Variants in CCDC192 observed in about 807,000 individuals in gnomAD.
The protein encoded by CCDC192 is coiled-coil domain-containing protein 192.
intron 5 of CCDC192, among the ~76,000 whole-genome samples, chr5:127,821,496 C>T (rs555477986): frequency 6.6e-6 from 1 of 152,288 alleles, no homozygotes; most frequent in African/African-American, 2.4e-5. Flanking sequence ...TCCCATGAGT[C>T]CCTTTTAAAT....
chr5:127,719,831 G>GGT (rs1554068201), intron 2 of CCDC192, among the ~76,000 whole-genome samples: 6 of 66,814 alleles, frequency 9.0e-5, no homozygotes, highest in East Asian at 1.5e-3. Flanking sequence ...TCAGAGGAAG[G>GGT]GGCGGGGGAG....
chr5:127,774,451 A>G (rs138614016), intron 3 of CCDC192, among the ~76,000 whole-genome samples: 45 of 152,298 alleles, frequency 3.0e-4, no homozygotes, highest in African/African-American at 1.1e-3. Flanking sequence ...TAGGGGTCCA[A>G]CTTCAAGTTC....
intron 5 of CCDC192, among the ~76,000 whole-genome samples, chr5:127,815,302 A>G (rs941650265): frequency 3.3e-5 from 5 of 152,208 alleles, no homozygotes; most frequent in African/African-American, 1.2e-4. Flanking sequence ...TCTGAGGAAG[A>G]TGGTGAAACG....
intron 2 of CCDC192, among the ~76,000 whole-genome samples, chr5:127,736,969 T>C (rs916016932): frequency 2.2e-4 from 34 of 151,424 alleles, no homozygotes; most frequent in Non-Finnish European, 4.1e-4. Flanking sequence ...TGCCTTCTGC[T>C]AGCTTTTGAA....
intron 5 of CCDC192, among the ~76,000 whole-genome samples, chr5:127,855,400 A>G (rs1355439773): frequency 2.0e-5 from 3 of 152,174 alleles, no homozygotes; most frequent in Non-Finnish European, 4.4e-5. Flanking sequence ...TCCATTTCTA[A>G]TTCTACTTAT....
At chr5:127,716,859 C>T (rs182667147) in intron 2 of CCDC192, among the ~76,000 whole-genome samples, 2 of 152,314 alleles carry the variant, frequency 1.3e-5, no homozygotes, top group East Asian at 3.9e-4. Context: ...TGGCTGAAGC[C>T]TCTGTTGTAT....
At chr5:127,902,325 C>A (rs1580810894) in intron 6 of CCDC192, among the ~76,000 whole-genome samples, 1 of 150,788 alleles carries the variant, frequency 6.6e-6, no homozygotes, top group South Asian at 2.1e-4. Flanking sequence ...ATAATCTAGG[C>A]AGAACATAAC....
intron 3 of CCDC192, among the ~76,000 whole-genome samples, chr5:127,795,144 G>T (rs984204081): frequency 6.6e-6 from 1 of 152,036 alleles, no homozygotes; most frequent in Non-Finnish European, 1.5e-5. Flanking sequence ...CAAAGAATTA[G>T]CCAGGCGTGG....
At chr5:127,787,719 G>A (rs1756629197) in intron 3 of CCDC192, among the ~76,000 whole-genome samples, 2 of 152,084 alleles carry the variant, frequency 1.3e-5, no homozygotes, top group Non-Finnish European at 2.9e-5. Flanking sequence ...TTTGTGGATT[G>A]TTCTATCTGT....
chr5:127,808,654 T>G (rs970485439), intron 5 of CCDC192, among the ~76,000 whole-genome samples: 3 of 152,164 alleles, frequency 2.0e-5, no homozygotes, highest in African/African-American at 7.2e-5. Flanking sequence ...CTCCATCCAC[T>G]ACTTACTTTC....
intron 3 of CCDC192, among the ~76,000 whole-genome samples, chr5:127,759,952 A>G (rs761207139): frequency 1.3e-5 from 2 of 152,018 alleles, no homozygotes; most frequent in Non-Finnish European, 2.9e-5. Flanking sequence ...CTGATTTTGT[A>G]CAGACTGGGA....
At chr5:127,746,300 G>A (rs370319622) in intron 2 of CCDC192, among the ~76,000 whole-genome samples, 13 of 152,116 alleles carry the variant, frequency 8.5e-5, no homozygotes, top group African/African-American at 2.9e-4. Context: ...GTTTCATTTG[G>A]CTTTGACTTA....
chr5:127,777,015 CAG>C (rs1755904679), intron 3 of CCDC192, among the ~76,000 whole-genome samples: 2 of 152,222 alleles, frequency 1.3e-5, no homozygotes, highest in Non-Finnish European at 2.9e-5. Flanking sequence ...AGCCCCCACA[CAG>C]AGTCTTCACT....
intron 2 of CCDC192, among the ~76,000 whole-genome samples, chr5:127,729,008 G>A (rs933714554): frequency 1.3e-5 from 2 of 152,082 alleles, no homozygotes; most frequent in Non-Finnish European, 2.9e-5. Context: ...CTGAGTTCAA[G>A]CAATTCTCCT....
intron 2 of CCDC192, among the ~76,000 whole-genome samples, chr5:127,709,449 C>A (rs946250276): frequency 2.6e-5 from 4 of 152,172 alleles, no homozygotes; most frequent in Non-Finnish European, 1.5e-5. Context: ...CAGATCCAAA[C>A]CTTATCACCA....
chr5:127,784,043 C>G (rs1756395095), intron 3 of CCDC192, among the ~76,000 whole-genome samples: 1 of 152,132 alleles, frequency 6.6e-6, no homozygotes, highest in South Asian at 2.1e-4. Flanking sequence ...TTAGGAGAGT[C>G]TCTTGAAGGC....
At chr5:127,915,597 G>A (rs1364629122) in intron 6 of CCDC192, among the ~76,000 whole-genome samples, 1 of 152,194 alleles carries the variant, frequency 6.6e-6, no homozygotes, top group African/African-American at 2.4e-5. Flanking sequence ...TGGCCAGGAT[G>A]GTCTTGATCT....
At chr5:127,780,276 T>A (rs1756131406) in intron 3 of CCDC192, among the ~76,000 whole-genome samples, 1 of 152,210 alleles carries the variant, frequency 6.6e-6, no homozygotes, top group Non-Finnish European at 1.5e-5. Flanking sequence ...TAAACAAGCA[T>A]GTCCAAGTAT....
chr5:127,733,401 T>G (rs1752755717), intron 2 of CCDC192, among the ~76,000 whole-genome samples: 1 of 152,122 alleles, frequency 6.6e-6, no homozygotes, highest in African/African-American at 2.4e-5. Flanking sequence ...AACCCTGGAG[T>G]TATCATCTCC....
Sources: gnomAD v4.1 joint callset for allele counts (sites outside exome capture counted in the v4.1 genomes callset) on GRCh38, gnomAD v4.1.1 for gene constraint, MANE v1.5 for transcripts, NCBI Gene and HGNC (gene_info 2026-07-23, HGNC 2026-07-21) for gene names.